TMEFF2: variants seen among roughly 807,000 people sequenced by gnomAD.
The protein encoded by TMEFF2 is tomoregulin-2.
In TMEFF2, 28 loss-of-function variants were observed where a neutral mutation model predicts 53.8. That is an observed-to-expected ratio of 0.52 (90% confidence interval 0.39 to 0.71). The LOEUF is 0.71. TMEFF2 is among the 30% of genes least tolerant of loss of function. TMEFF2 has a pLI of 0.00. For synonymous variants in TMEFF2, 162 were observed against 166.3 expected (o/e 0.97, Z 0.20); for missense variants, 353 against 455.2 (o/e 0.78, Z 2.04).
At chr2:192,033,520 A>T (rs1273020995) in intron 5 of TMEFF2, among the ~76,000 whole-genome samples, 1 of 135,588 alleles carries the variant, frequency 7.4e-6, no homozygotes, top group Admixed American at 7.4e-5. Flanking sequence ...ACCAGTTTGG[A>T]TTTTTTTTTT....
intron 4 of TMEFF2, among the ~76,000 whole-genome samples, chr2:192,129,241 G>A (rs1241005184): frequency 6.6e-6 from 1 of 151,956 alleles, no homozygotes; most frequent in Non-Finnish European, 1.5e-5. Context: ...TTGATTTTCA[G>A]TTTTTTAAAA....
chr2:192,194,142 A>C lies in TMEFF2; in HGVS notation c.172+211T>G, dbSNP rs1691543315. On this transcript the variant is annotated intron_variant, in intron 1 of 9. Coordinates refer to ENST00000272771, the MANE Select transcript of TMEFF2 (RefSeq NM_016192.4). This position sits in a 1 kb window ranked among gnomAD's most constrained non-coding sequence, Gnocchi z 4.2. ...CAAGCATGCAAAGGTTTCCTGCTACACCTGCACTTTCTGCCCATCCCAGAA... is the reference window on the plus strand; with the variant it reads ...CAAGCATGCAAAGGTTTCCTGCTACCCCTGCACTTTCTGCCCATCCCAGAA... Among the ~76,000 whole-genome samples, 2 of 152,068 alleles carry C rather than the reference A, an allele frequency of 1.3e-5. No individual in the cohort carries two copies. Among genetic ancestry groups the C allele is most frequent in the African/African-American group, 4.8e-5 (2 of 41,396 alleles).
chr2:192,125,549 A>G (rs1689656059), intron 4 of TMEFF2, among the ~76,000 whole-genome samples: 1 of 152,184 alleles, frequency 6.6e-6, no homozygotes, highest in Non-Finnish European at 1.5e-5. Context: ...AAGCAAAAAT[A>G]AAGTATTTAA....
intron 7 of TMEFF2, among the ~76,000 whole-genome samples, chr2:191,991,231 G>A (rs1686097347): frequency 6.6e-6 from 1 of 152,046 alleles, no homozygotes; most frequent in African/African-American, 2.4e-5. Context: ...CTTGCAACAA[G>A]CTGTTAGATG....
At chr2:192,137,618 A>G (rs1045079267) in intron 4 of TMEFF2, among the ~76,000 whole-genome samples, 3 of 152,028 alleles carry the variant, frequency 2.0e-5, no homozygotes, top group Non-Finnish European at 4.4e-5. Flanking sequence ...TCATCTGGCA[A>G]GACCAATAGT....
chr2:192,176,609 A>G (rs2106029997), intron 4 of TMEFF2: 2 of 151,390 alleles, frequency 1.3e-5, no homozygotes, highest in South Asian at 2.1e-4. Context: ...CTGAATAAAT[A>G]GGTCAATGGT....
chr2:191,998,627 T>C (rs879446998), intron 6 of TMEFF2, among the ~76,000 whole-genome samples: 10 of 152,008 alleles, frequency 6.6e-5, no homozygotes, highest in Admixed American at 3.9e-4. Context: ...AGAAAGAAAA[T>C]AGAACATTCT....
chr2:192,058,070 AAG>A (rs1687954438), intron 4 of TMEFF2, among the ~76,000 whole-genome samples: 1 of 152,230 alleles, frequency 6.6e-6, no homozygotes, highest in Non-Finnish European at 1.5e-5. Flanking sequence ...GACCATATGA[AAG>A]AGTTATTTAG....
chr2:192,093,407 C>G (rs2356767), intron 4 of TMEFF2, among the ~76,000 whole-genome samples: 146,337 of 151,950 alleles, frequency 0.96, 70,591 homozygotes, highest in Middle Eastern at 1. Flanking sequence ...CACAAAAGAG[C>G]GTTCATTTGG....
chr2:192,192,230 AT>A (rs1042546215), intron 1 of TMEFF2, among the ~76,000 whole-genome samples: 1 of 151,700 alleles, frequency 6.6e-6, no homozygotes, highest in South Asian at 2.1e-4. Flanking sequence ...TGATAGTGCT[AT>A]TTTTTAAAGC....
chr2:191,979,444 G>T (rs1459597285), intron 7 of TMEFF2, among the ~76,000 whole-genome samples: 2 of 152,174 alleles, frequency 1.3e-5, no homozygotes, highest in Admixed American at 6.5e-5. Context: ...TGCCACAACT[G>T]TATTAAGAGG....
intron 4 of TMEFF2, among the ~76,000 whole-genome samples, chr2:192,111,000 G>T (rs1368857586): frequency 6.6e-6 from 1 of 152,140 alleles, no homozygotes; most frequent in Non-Finnish European, 1.5e-5. Flanking sequence ...TGCCATGATT[G>T]TGAGGCCTCC....
intron 7 of TMEFF2, chr2:191,992,786 T>A (rs1024687876): frequency 6.6e-6 from 1 of 152,102 alleles, no homozygotes; most frequent in Non-Finnish European, 1.5e-5. Flanking sequence ...AAGCAAACAT[T>A]ATATCACTTA....
At chr2:192,191,762 TG>T (rs1691466231) in intron 2 of TMEFF2, 117 bp downstream of exon 2, 2 of 667,154 alleles carry the variant, frequency 3.0e-6, no homozygotes, top group Non-Finnish European at 5.1e-6. Context: ...TTTTGCTTGG[TG>T]CCAGCTTCCC....
chr2:192,022,762 A>G (rs1364176333), intron 5 of TMEFF2, among the ~76,000 whole-genome samples: 2 of 152,144 alleles, frequency 1.3e-5, no homozygotes, highest in Non-Finnish European at 2.9e-5. Context: ...GACTCAGGAA[A>G]GCAGTTTTTG....
chr2:192,006,327 A>C (rs568256130), intron 5 of TMEFF2, among the ~76,000 whole-genome samples: 17 of 152,166 alleles, frequency 1.1e-4, no homozygotes, highest in Non-Finnish European at 1.9e-4. Flanking sequence ...AGGACAACAA[A>C]TAGCCAATCA....
chr2:192,011,169 A>C (rs936859666), intron 5 of TMEFF2, among the ~76,000 whole-genome samples: 1 of 152,244 alleles, frequency 6.6e-6, no homozygotes, highest in Non-Finnish European at 1.5e-5. Context: ...CATCCACCCC[A>C]GGAAGGAAGC....
chr2:192,107,064 G>GTAAGGC (rs2105950553), intron 4 of TMEFF2, among the ~76,000 whole-genome samples: 1 of 151,812 alleles, frequency 6.6e-6, no homozygotes, highest in East Asian at 1.9e-4. Flanking sequence ...ATGAGTAATA[G>GTAAGGC]TGAAATATAA....
chr2:192,175,631 A>G (rs773603024), intron 4 of TMEFF2, among the ~76,000 whole-genome samples: 16 of 151,492 alleles, frequency 1.1e-4, no homozygotes, highest in Non-Finnish European at 2.4e-4. Flanking sequence ...TATAAATTGT[A>G]TAAGTAAGTT....
Sources: allele counts gnomAD v4.1 joint callset (sites outside exome capture counted in the v4.1 genomes callset), GRCh38; gene constraint gnomAD v4.1.1; non-coding constraint Gnocchi (gnomAD v3.1); transcripts MANE v1.5; gene names NCBI Gene and HGNC (gene_info 2026-07-23, HGNC 2026-07-21).